The following KMT2E variants were observed in gnomAD, a reference collection of about 807,000 sequenced individuals.
KMT2E encodes lysine methyltransferase 2E (inactive).
Under a neutral mutation model 184.6 loss-of-function variants are expected in KMT2E, and 30 were observed. The ratio of observed to expected loss-of-function variants is 0.16; its 90% confidence interval spans 0.12 to 0.22. KMT2E has a LOEUF of 0.22. Ranked by LOEUF, KMT2E falls within the 10% of genes least tolerant of loss-of-function variation. The pLI, the probability that KMT2E is intolerant of heterozygous loss-of-function variation, is 1.00. For synonymous variants in KMT2E, 815 were observed against 776.5 expected, an observed-to-expected ratio of 1.05 and a Z score of -0.82; for missense variants, 2,023 against 2,237.4, an observed-to-expected ratio of 0.90 and a Z score of 1.93.
At chr7:105,065,852 C>T (rs181645017) in intron 5 of KMT2E, among the ~76,000 whole-genome samples, 1 of 152,166 alleles carries the variant, frequency 6.6e-6, no homozygotes, top group East Asian at 1.9e-4. Context: ...ATAACTAAGA[C>T]TTTTTGGAGT....
At chr7:105,096,222 C>T (rs956922186) in intron 15 of KMT2E, among the ~76,000 whole-genome samples, 3 of 141,356 alleles carry the variant, frequency 2.1e-5, no homozygotes, top group African/African-American at 8.0e-5. Flanking sequence ...TCACTGCACT[C>T]CAGCCTGGGT....
chr7:105,078,657 CTTTTTTT>C (rs71152940), intron 11 of KMT2E, among the ~76,000 whole-genome samples, 182 bp from the exon 12 acceptor site: 2 of 46,674 alleles, frequency 4.3e-5, no homozygotes, highest in Non-Finnish European at 7.2e-5. Context: ...CATGCCTGGC[CTTTTTTT>C]TTTTTTTTTT....
intron 1 of KMT2E, among the ~76,000 whole-genome samples, chr7:105,034,800 A>T (rs1421639748): frequency 1.5e-5 from 2 of 134,502 alleles, no homozygotes; most frequent in African/African-American, 2.8e-5. Context: ...TACTTTAAGA[A>T]TGTTATATAA....
rs752181045 is a variant in KMT2E at position 105,113,248 on chromosome 7, C to G, written c.5492C>G (p.Ser1831Cys). 9.3e-6 allele frequency: 15 copies of G among 1,614,242 alleles called. No individual in the cohort carries two copies. The highest frequency in any genetic ancestry group is 1.2e-5 in the Non-Finnish European group (14 of 1,180,040). The change falls in exon 27 of 27, where the codon TCT (serine) becomes TGT (cysteine). Residue 1831 changes from serine to cysteine, a missense_variant. Ser to Cys is a moderately radical substitution (Grantham distance 112). Coordinates refer to ENST00000311117, the MANE Select transcript of KMT2E (RefSeq NM_182931.3). Reference protein sequence around the residue: ...PHGVQGPQQASPVPGQIPIHR... With the variant: ...PHGVQGPQQACPVPGQIPIHR... ...GGGGTTCAAGGACCTCAGCAGGCAT[C>G]TCCAGTGCCTGGACAGATTCCAATT...
chr7:105,097,005 C>T (rs1215119411), intron 15 of KMT2E, among the ~76,000 whole-genome samples: 1 of 152,164 alleles, frequency 6.6e-6, no homozygotes, highest in Non-Finnish European at 1.5e-5. Flanking sequence ...TCAGATTTTC[C>T]TAAACTTGTA....
chr7:105,056,415 T>C (rs1796571904), intron 3 of KMT2E, among the ~76,000 whole-genome samples: 1 of 152,222 alleles, frequency 6.6e-6, no homozygotes, highest in African/African-American at 2.4e-5. Flanking sequence ...TTTGAGAGAC[T>C]GCTTACATGA....
chr7:105,032,649 A>G (rs900867083), intron 1 of KMT2E, among the ~76,000 whole-genome samples: 1 of 152,114 alleles, frequency 6.6e-6, no homozygotes, highest in Non-Finnish European at 1.5e-5. Flanking sequence ...TTACAGGCAC[A>G]TACCACTACC....
rs542666369 is a variant in KMT2E, at chr7:105,109,061, T to C, written c.3588T>C (p.Gly1196=). Reference sequence around the variant, plus strand: ...CAAGTGGAAGCTTGAGCAACAATGGTGATGGCTGTGCCAGCAGTAATGACA... The same window carrying C: ...CAAGTGGAAGCTTGAGCAACAATGGCGATGGCTGTGCCAGCAGTAATGACA... The part of the protein sequence containing the change: ...PHASGSLSNN[G]DGCASSNDNG... Residue 1196 remains glycine, a synonymous_variant, in exon 23 of 27, where the codon GGT becomes GGC. Transcript: ENST00000311117. 1.1e-5 allele frequency: 17 copies of C among 1,614,190 alleles called. No individual in the cohort carries two copies. The highest frequency in any genetic ancestry group is 5.9e-6 in the Non-Finnish European group (7 of 1,180,018).
intron 3 of KMT2E, among the ~76,000 whole-genome samples, chr7:105,051,092 TTTTC>T (rs775866506): frequency 7.4e-6 from 1 of 134,252 alleles, no homozygotes; most frequent in African/African-American, 2.6e-5. Flanking sequence ...TTTCTTTCTT[TTTTC>T]TCTCTCTCTC....
rs756600228 is a variant in KMT2E, at chr7:105,111,818, T to C, written c.4069-7T>C. 14 of 1,603,338 alleles carry C rather than the reference T, an allele frequency of 8.7e-6. No homozygotes were observed. The highest frequency in any genetic ancestry group is 2.2e-5 in the East Asian group (1 of 44,812). On this transcript the variant is annotated splice_polypyrimidine_tract_variant and splice_region_variant and intron_variant, in intron 26 of 26. Transcript: ENST00000311117. The stretch of plus-strand genomic sequence containing the variant: ...TTGAATGTATATAATTTGTTTTCTC[T>C]TCATAGCCTGGTTCACCTGGATCTG...
chr7:105,053,164 T>A (rs894710569), intron 3 of KMT2E, among the ~76,000 whole-genome samples: 1 of 152,206 alleles, frequency 6.6e-6, no homozygotes, highest in African/African-American at 2.4e-5. Flanking sequence ...GGTTAATACC[T>A]GTTTTGGGAA....
intron 20 of KMT2E, 53 bp from the exon 21 acceptor site, chr7:105,107,113 G>T (rs562838472): frequency 3.3e-6 from 3 of 922,256 alleles, no homozygotes; most frequent in African/African-American, 1.7e-5. Flanking sequence ...AATTATTATG[G>T]ATATACTTAC....
intron 7 of KMT2E, among the ~76,000 whole-genome samples, chr7:105,073,947 C>G (rs544893025): frequency 6.6e-6 from 1 of 152,034 alleles, no homozygotes; most frequent in Non-Finnish European, 1.5e-5. Context: ...CTACACATAG[C>G]TAACCTGTTG....
Position 105,014,369 on chromosome 7 carries a change from C to T in KMT2E, c.-355C>T, listed in dbSNP as rs143067491. ...TGCCCCCTCCCCTACTCCTCGGTTC[C>T]TGGTGAAGAGGCTGCGCGCTGCTGT... On this transcript the variant is annotated 5_prime_UTR_variant, in exon 1 of 27. Coordinates refer to ENST00000311117, the MANE Select transcript of KMT2E (RefSeq NM_182931.3). 1 of 154,728 alleles carries T rather than the reference C, an allele frequency of 6.5e-6. No homozygotes were observed. Among genetic ancestry groups the T allele is most frequent in the East Asian group, 1.9e-4 (1 of 5,242 alleles). The allele number at this position is 154,728 out of a possible 1,614,324, so 9.6% of individuals were successfully genotyped here. A position where few individuals can be genotyped will look rare whatever the true frequency, so the allele number is the denominator to read the frequency against.
At chr7:105,022,078 C>T (rs1794979492) in intron 1 of KMT2E, among the ~76,000 whole-genome samples, 1 of 152,154 alleles carries the variant, frequency 6.6e-6, no homozygotes, top group African/African-American at 2.4e-5. Context: ...TACTAGCCCC[C>T]TTACAGCCCT....
chr7:105,087,275 TATAA>T (rs1798019076), intron 13 of KMT2E, among the ~76,000 whole-genome samples: 1 of 127,584 alleles, frequency 7.8e-6, no homozygotes, highest in African/African-American at 3.4e-5. Flanking sequence ...ATATATAATA[TATAA>T]ATATGATATA....
At chr7:105,024,510 T>G (rs1313347830) in intron 1 of KMT2E, among the ~76,000 whole-genome samples, 3 of 152,224 alleles carry the variant, frequency 2.0e-5, no homozygotes, top group African/African-American at 7.2e-5. Context: ...TTGTTATTTT[T>G]TTCTCACTGT....
chr7:105,074,826 GC>G lies in KMT2E; in HGVS notation c.729+12del. ...TCAAAATGTAAAAAGGTACGTTTTT[GC>G]TTGTTTTTAGGTGAGTGGATAGGAT... On this transcript the variant is annotated intron_variant, in intron 8 of 26. Coordinates refer to ENST00000311117, the MANE Select transcript of KMT2E (RefSeq NM_182931.3). 6.3e-7 allele frequency: 1 copy of G among 1,590,074 alleles called. No homozygotes were observed. Among genetic ancestry groups the G allele is most frequent in the Non-Finnish European group, 8.6e-7 (1 of 1,168,668 alleles).
chr7:105,089,599 A>G (rs1798119100), intron 13 of KMT2E, among the ~76,000 whole-genome samples: 1 of 152,240 alleles, frequency 6.6e-6, no homozygotes, highest in Non-Finnish European at 1.5e-5. Context: ...GCACAGAATT[A>G]GTAAATATAT....
Sources: allele counts gnomAD v4.1 joint callset (sites outside exome capture counted in the v4.1 genomes callset), GRCh38; gene constraint gnomAD v4.1.1; transcripts MANE v1.5; gene names NCBI Gene and HGNC (gene_info 2026-07-23, HGNC 2026-07-21).